Variants in PTGDS observed in about 807,000 individuals in gnomAD.
The protein encoded by PTGDS is prostaglandin D2 synthase.
Under a neutral mutation model 28.4 loss-of-function variants are expected in PTGDS, and 21 were observed. That is an observed-to-expected ratio of 0.74 (90% CI 0.52 to 1.07). The LOEUF (loss-of-function observed/expected upper bound fraction) is 1.07, where lower values mean the gene tolerates loss of function less well. Ranked by LOEUF, PTGDS falls within the 50% of genes least tolerant of loss-of-function variation. The pLI is 0.00. For missense variants in PTGDS, 243 were observed against 247.7 expected, an observed-to-expected ratio of 0.98 and a Z score of 0.13; for synonymous variants, 102 against 106.0, an observed-to-expected ratio of 0.96 and a Z score of 0.23.
chr9:136,980,495 G>A (rs981758629), intron 5 of PTGDS, among the ~76,000 whole-genome samples: 4 of 152,214 alleles, frequency 2.6e-5, no homozygotes, highest in South Asian at 2.1e-4. Context: ...GAGACCAGGC[G>A]CCCACTCTGT....
In PTGDS at chr9:136,979,061, G is replaced by A. The variant is rs1185634168; in HGVS notation, c.183G>A (p.Ala61=). Residue 61 remains alanine, a synonymous_variant, in exon 2 of 7, where the codon GCG becomes GCA. Transcript: ENST00000371625. ...NSSWLREKKA[A]LSMCKSVVAP... is the part of the protein sequence containing the mutation. ...GCTGGCTCCGGGAGAAGAAGGCGGC[G>A]TTGTCCATGTGCAAGTCTGTGGTGG... The A allele has an allele frequency of 2.5e-6, 4 of 1,608,996 alleles. No homozygotes were observed. Among genetic ancestry groups the A allele is most frequent in the African/African-American group, 2.7e-5 (2 of 74,790 alleles).
chr9:136,980,612 C>T, intron 5 of PTGDS: 1 of 1,493,904 alleles, frequency 6.7e-7, no homozygotes, highest in South Asian at 1.3e-5. Context: ...TGGGCTCAGG[C>T]ACAGCCTCCT....
At position 136,979,952 on chromosome 9, in the gene PTGDS, G is replaced by A. The variant is rs760426566; in HGVS notation, c.338G>A (p.Gly113Asp). Residue 113 changes from glycine to aspartate, a missense_variant, in exon 4 of 7, where the codon GGC becomes GAC. Coordinates refer to ENST00000371625, the MANE Select transcript of PTGDS (RefSeq NM_000954.6). ...TTGTCTCTTGGGTTCCCAGACTGGG[G>A]CAGCACCTACTCCGTGTCAGTGGTG... ...GSYSYRSPHW[G>D]STYSVSVVET... The A allele has an allele frequency of 6.2e-6, 10 of 1,613,110 alleles. No individual in the cohort carries two copies. In the South Asian group the frequency reaches 9.9e-5, roughly 16 times the overall value.
At chr9:136,979,170 G>A in intron 2 of PTGDS, 38 bp downstream of exon 2, 6 of 1,613,048 alleles carry the variant, frequency 3.7e-6, no homozygotes, top group Non-Finnish European at 5.1e-6. Flanking sequence ...GGACGGAGAG[G>A]TCCAGGGACA....
At chr9:136,978,479 T>TGA (rs1830402156) in intron 1 of PTGDS, among the ~76,000 whole-genome samples, 2 of 7,444 alleles carry the variant, frequency 2.7e-4, no homozygotes. Context: ...GAGGGGGAAG[T>TGA]GGGGCGTGGT....
Position 136,980,055 on chromosome 9 carries a change from C to T in PTGDS, c.441C>T (p.Thr147=), listed in dbSNP as rs1830429712. ...CTGGCGAGGACTTCCGCATGGCCAC[C>T]CTCTACAGTACGTGCCCCGTGGACG... ...KGPGEDFRMA[T]LYSRTQTPRA... The change falls in exon 4 of 7, where the codon ACC becomes ACT. Residue 147 remains threonine (T), a synonymous_variant. Transcript: ENST00000371625. 3.7e-6 allele frequency: 6 copies of T among 1,611,876 alleles called. No individual in the cohort carries two copies. The African/African-American group carries it at 6.7e-5, about 18-fold the overall frequency.
rs780379208 is a variant in PTGDS, at chr9:136,977,654, G to T, written c.76G>T (p.Ala26Ser). The T allele has an allele frequency of 2.9e-5, 47 of 1,607,108 alleles. 1 individual carries two copies. The South Asian group carries it at 4.3e-4, about 15-fold the overall frequency. Reference protein sequence around the residue: ...VLGDLQAAPEAQVSVQPNFQQ... With the variant: ...VLGDLQAAPESQVSVQPNFQQ... ...GGGCGACCTGCAGGCAGCACCGGAGGCCCAGGTCTCCGTGCAGCCCAACTT... is the reference window on the plus strand; with the variant it reads ...GGGCGACCTGCAGGCAGCACCGGAGTCCCAGGTCTCCGTGCAGCCCAACTT... Residue 26 changes from alanine to serine, a missense_variant, in exon 1 of 7, where the codon GCC becomes TCC. By Grantham distance (99) the Ala-to-Ser change is moderately conservative (BLOSUM62 1). Coordinates refer to ENST00000371625, the MANE Select transcript of PTGDS (RefSeq NM_000954.6).
In PTGDS at chr9:136,977,637, T is replaced by C; in HGVS notation, c.59T>C (p.Leu20Pro). The change falls in exon 1 of 7, where the codon CTG (leucine) becomes CCG (proline). Residue 20 changes from leucine (L) to proline (P), a missense_variant. Leu to Pro is a moderately conservative substitution (Grantham distance 98). Transcript: ENST00000371625. ...GCCCTGCTGGGGGTGCTGGGCGACCTGCAGGCAGCACCGGAGGCCCAGGTC... is the reference window on the plus strand; with the variant it reads ...GCCCTGCTGGGGGTGCTGGGCGACCCGCAGGCAGCACCGGAGGCCCAGGTC... ...GLALLGVLGD[L>P]QAAPEAQVSV... 1.2e-6 allele frequency: 2 copies of C among 1,609,300 alleles called. No homozygotes were observed. The highest frequency in any genetic ancestry group is 1.7e-6 in the Non-Finnish European group (2 of 1,178,622).
rs780265548 is a variant in PTGDS at position 136,979,990 on chromosome 9, G to A, written c.376G>A (p.Asp126Asn). Residue 126 changes from aspartate to asparagine, a missense_variant, in exon 4 of 7, where the codon GAC becomes AAC. Physicochemically the swap from Asp to Asn is conservative, Grantham distance 23. Coordinates refer to ENST00000371625, the MANE Select transcript of PTGDS (RefSeq NM_000954.6). ...CGTGTCAGTGGTGGAGACCGACTAC[G>A]ACCAGTACGCGCTGCTGTACAGCCA... ...YSVSVVETDY[D>N]QYALLYSQGS... 8.7e-6 allele frequency: 14 copies of A among 1,613,056 alleles called. 1 individual carries two copies. In the Middle Eastern group the frequency reaches 8.2e-4, roughly 95 times the overall value.
chr9:136,979,815 C>T (rs374644120), intron 3 of PTGDS, 131 bp from the exon 4 acceptor site: 24 of 862,554 alleles, frequency 2.8e-5, no homozygotes, highest in African/African-American at 1.8e-4. Context: ...GGAGAGCAGC[C>T]GGGTGGGGGA....
In PTGDS at chr9:136,980,008, T is replaced by C; in HGVS notation, c.394T>C (p.Tyr132His). 3 of 1,613,092 alleles carry C rather than the reference T, an allele frequency of 1.9e-6. No individual in the cohort carries two copies. Among genetic ancestry groups the C allele is most frequent in the Non-Finnish European group, 2.5e-6 (3 of 1,179,900 alleles). Residue 132 changes from tyrosine to histidine, a missense_variant, in exon 4 of 7, where the codon TAC (tyrosine) becomes CAC (histidine). Tyr to His is a moderately conservative substitution (Grantham distance 83). Coordinates refer to ENST00000371625, the MANE Select transcript of PTGDS (RefSeq NM_000954.6). ...ETDYDQYALL[Y>H]SQGSKGPGED... ...CGACTACGACCAGTACGCGCTGCTG[T>C]ACAGCCAGGGCAGCAAGGGCCCTGG...
chr9:136,980,092 C>T (rs1830430343), intron 4 of PTGDS, 30 bp downstream of exon 4: 2 of 1,605,788 alleles, frequency 1.2e-6, no homozygotes, highest in Non-Finnish European at 1.7e-6. Flanking sequence ...CGCCCACACG[C>T]AGGCCTGACC....
Position 136,979,931 on chromosome 9 carries a change from C to T in PTGDS, c.332-15C>T. On this transcript the variant is annotated splice_polypyrimidine_tract_variant and intron_variant, in intron 3 of 6. Transcript: ENST00000371625. ...GGGGCTGAGTCCCCGACAGGGTTGT[C>T]TCTTGGGTTCCCAGACTGGGGCAGC... 1 of 1,611,170 alleles carries T rather than the reference C, an allele frequency of 6.2e-7. No individual in the cohort carries two copies. Among genetic ancestry groups the T allele is most frequent in the Non-Finnish European group, 8.5e-7 (1 of 1,178,092 alleles).
intron 1 of PTGDS, 198 bp from the exon 2 acceptor site, chr9:136,978,795 C>A: frequency 3.2e-6 from 2 of 624,450 alleles, no homozygotes; most frequent in East Asian, 3.3e-5. Flanking sequence ...GGGGCGGGGT[C>A]ATCTCCTGGG....
intron 6 of PTGDS, chr9:136,981,144 A>G (rs1830444013): frequency 2.0e-6 from 1 of 489,138 alleles, no homozygotes; most frequent in East Asian, 3.4e-5. Flanking sequence ...CCCCAGGCAG[A>G]CAAGGCCAAG....
At position 136,978,276 on chromosome 9, in the gene PTGDS, C is replaced by T. The variant is rs192054471; in HGVS notation, c.114+584C>T. Among the ~76,000 whole-genome samples, 193 of 152,268 alleles carry T rather than the reference C, an allele frequency of 1.3e-3. 4 individuals carry two copies. In the East Asian group the frequency reaches 0.028, roughly 22 times the overall value. On this transcript the variant is annotated intron_variant, in intron 1 of 6. Transcript: ENST00000371625. ...CAGGAATGCGACGTCCTCTGCCGCCCGCTGTATGGGCCAGGCGCTCAGCCA... is the reference window on the plus strand; with the variant it reads ...CAGGAATGCGACGTCCTCTGCCGCCTGCTGTATGGGCCAGGCGCTCAGCCA...
chr9:136,979,610 TCTC>T (rs1416403307), intron 3 of PTGDS: 6 of 724,822 alleles, frequency 8.3e-6, no homozygotes, highest in Admixed American at 5.9e-5. Context: ...TCCTCCCAAT[TCTC>T]CTCCCCAGGA....
chr9:136,978,914 C>T lies in PTGDS; in HGVS notation c.115-79C>T, dbSNP rs768749801. 250 of 1,560,782 alleles carry T rather than the reference C, an allele frequency of 1.6e-4. 2 individuals are homozygous for T. In the African/African-American group the frequency reaches 2.9e-3, roughly 18 times the overall value. ...CCGGGTTGGAGACCGGAGGAGTAGACGGCAGAGGCGCCCCCGCAGGTAGGC... is the reference window on the plus strand; with the variant it reads ...CCGGGTTGGAGACCGGAGGAGTAGATGGCAGAGGCGCCCCCGCAGGTAGGC... On this transcript the variant is annotated intron_variant, in intron 1 of 6. Coordinates refer to ENST00000371625, the MANE Select transcript of PTGDS (RefSeq NM_000954.6).
At position 136,977,516 on chromosome 9, in the gene PTGDS, C is replaced by A; in HGVS notation, c.-63C>A. 1.6e-6 allele frequency: 2 copies of A among 1,283,910 alleles called. No individual in the cohort carries two copies. The highest frequency in any genetic ancestry group is 1.4e-5 in the South Asian group (1 of 71,648). 79.5% of individuals were successfully genotyped at this position (1,283,910 alleles called of 1,614,324 possible). ...CTCAGTGCCCTCCGCTCCTCCTGCA[C>A]ACCTCCCTCGCTCTCCCACACCACT... On this transcript the variant is annotated 5_prime_UTR_variant, in exon 1 of 7. Coordinates refer to ENST00000371625, the MANE Select transcript of PTGDS (RefSeq NM_000954.6).
Sources: allele counts gnomAD v4.1 joint callset (sites outside exome capture counted in the v4.1 genomes callset), GRCh38; gene constraint gnomAD v4.1.1; transcripts MANE v1.5; gene names NCBI Gene and HGNC (gene_info 2026-07-23, HGNC 2026-07-21).